The following RBPJ variants were observed in gnomAD, a reference collection of about 807,000 sequenced individuals.
RBPJ encodes recombining binding protein suppressor of hairless.
In RBPJ, 9 loss-of-function variants were observed where a neutral mutation model predicts 67.8. That is an observed-to-expected ratio of 0.13 (90% CI 0.08 to 0.23). The LOEUF is 0.23. Ranked by LOEUF, RBPJ falls within the 10% of genes least tolerant of loss-of-function variation. RBPJ has a pLI of 1.00. For synonymous variants in RBPJ, 198 were observed against 203.3 expected (o/e 0.97, Z 0.22); for missense variants, 305 against 595.6 (o/e 0.51, Z 5.08).
chr4:26,295,731 A>C (rs1305739368), intron 1 of RBPJ, among the ~76,000 whole-genome samples: 1 of 152,086 alleles, frequency 6.6e-6, no homozygotes, highest in Non-Finnish European at 1.5e-5. Context: ...TGGGACTTGG[A>C]TGAGGGCCGT....
At chr4:26,271,815 A>G (rs923338079) in intron 1 of RBPJ, among the ~76,000 whole-genome samples, 2 of 152,186 alleles carry the variant, frequency 1.3e-5, no homozygotes, top group East Asian at 1.9e-4. Context: ...CATACAAACT[A>G]TGATGTCCTT....
chr4:26,332,864 G>T (rs929485306), intron 1 of RBPJ, among the ~76,000 whole-genome samples: 3 of 152,122 alleles, frequency 2.0e-5, no homozygotes, highest in Admixed American at 1.3e-4. Context: ...GCCCAGGCTG[G>T]TTTCAAACTG....
Position 26,429,799 on chromosome 4 carries a change from T to G in RBPJ, c.889-99T>G, listed in dbSNP as rs1736031858. On this transcript the variant is annotated intron_variant, in intron 8 of 10. Coordinates refer to ENST00000355476, the MANE Select transcript of RBPJ (RefSeq NM_015874.6). ...GTTTATAAGTTTTTACTGAGTTATCTTCTTATTAACTCTTGTCTGAGGGTT... is the reference window on the plus strand; with the variant it reads ...GTTTATAAGTTTTTACTGAGTTATCGTCTTATTAACTCTTGTCTGAGGGTT... The G allele has an allele frequency of 6.2e-6, 6 of 971,884 alleles. No homozygotes were observed. The Admixed American group carries it at 1.4e-4, about 23-fold the overall frequency. The allele number at this position is 971,884 out of a possible 1,614,324, so 60.2% of individuals were successfully genotyped here.
chr4:26,387,140 A>C (rs941549139), intron 2 of RBPJ, among the ~76,000 whole-genome samples: 1 of 152,132 alleles, frequency 6.6e-6, no homozygotes, highest in Non-Finnish European at 1.5e-5. Context: ...TAATGGCTCC[A>C]TGGTTTTTCA....
the RBPJ span, among the ~76,000 whole-genome samples, chr4:26,107,417 A>G: frequency 6.6e-6 from 1 of 152,170 alleles, no homozygotes; most frequent in African/African-American, 2.4e-5. Flanking sequence ...TCCCCAAGGT[A>G]CTGCCTGCAG....
chr4:26,349,093 C>CGT (rs1553867512), intron 1 of RBPJ, among the ~76,000 whole-genome samples: 2 of 150,738 alleles, frequency 1.3e-5, no homozygotes, highest in South Asian at 2.1e-4. Flanking sequence ...TGTGTGCGCG[C>CGT]GCGCACGCAC....
At chr4:26,138,378 A>AT in the RBPJ span, among the ~76,000 whole-genome samples, 81 of 151,188 alleles carry the variant, frequency 5.4e-4, no homozygotes, top group African/African-American at 1.9e-3. Context: ...CTAGAGAAAA[A>AT]AAAAAAGGCA....
rs542686187 is a variant in RBPJ, at chr4:26,249,652, C to A, written c.-167+86038C>A. On this transcript the variant is annotated intron_variant, in intron 1 of 4. Transcript: ENST00000512351. ...CTCCAGCCTGGGTGACAGAGTGCGA[C>A]TCTGTCACACACACACAAAAAGTAA... Among the ~76,000 whole-genome samples, 12 of 152,224 alleles carry A rather than the reference C, an allele frequency of 7.9e-5. No homozygotes were observed. The East Asian group carries it at 2.3e-3, about 29-fold the overall frequency.
At chr4:26,135,198 C>A in the RBPJ span, among the ~76,000 whole-genome samples, 79 of 152,272 alleles carry the variant, frequency 5.2e-4, no homozygotes, top group Middle Eastern at 0.024. Flanking sequence ...GGGTCTACAT[C>A]TCTCTCCATT....
At chr4:26,410,181 G>T (rs1439545015) in intron 3 of RBPJ, 2 of 337,182 alleles carry the variant, frequency 5.9e-6, no homozygotes, top group African/African-American at 2.2e-5. Flanking sequence ...CTTTCTTGCC[G>T]ATCCTGGTTC....
intron 1 of RBPJ, among the ~76,000 whole-genome samples, chr4:26,204,816 G>T (rs1396674767): frequency 6.6e-6 from 1 of 152,214 alleles, no homozygotes; most frequent in Non-Finnish European, 1.5e-5. Flanking sequence ...GACAGTAAGT[G>T]CTCAATAAAG....
chr4:26,314,878 G>A (rs536224310), upstream of RBPJ, among the ~76,000 whole-genome samples: 1 of 152,046 alleles, frequency 6.6e-6, no homozygotes, highest in Admixed American at 6.6e-5. Context: ...CAGGTGCGGT[G>A]GCTCACGCCT....
intron 1 of RBPJ, among the ~76,000 whole-genome samples, chr4:26,283,886 C>A (rs1241478256): frequency 6.6e-6 from 1 of 152,120 alleles, no homozygotes; most frequent in Non-Finnish European, 1.5e-5. Context: ...CCTCGTGATC[C>A]ATCCGCCTCA....
chr4:26,383,637 G>A (rs1444704630), intron 1 of RBPJ, among the ~76,000 whole-genome samples: 1 of 152,104 alleles, frequency 6.6e-6, no homozygotes, highest in East Asian at 1.9e-4. Flanking sequence ...AAACTTTCTG[G>A]CTTTTGTACA....
At chr4:26,391,412 C>T (rs1013639531) in intron 2 of RBPJ, among the ~76,000 whole-genome samples, 1 of 152,030 alleles carries the variant, frequency 6.6e-6, no homozygotes, top group African/African-American at 2.4e-5. Flanking sequence ...GGTAGTCTTT[C>T]TAACAGTTGA....
At chr4:26,188,128 G>A (rs147034787) in intron 1 of RBPJ, among the ~76,000 whole-genome samples, 38 of 152,250 alleles carry the variant, frequency 2.5e-4, no homozygotes, top group African/African-American at 8.7e-4. Context: ...AAAATCCCTT[G>A]AACCCAGGAG....
chr4:26,313,603 G>A (rs1024356337), intron 1 of RBPJ, among the ~76,000 whole-genome samples: 1 of 152,042 alleles, frequency 6.6e-6, no homozygotes, highest in East Asian at 1.9e-4. Flanking sequence ...CCAGGAGACG[G>A]AACTTGCAGT....
chr4:26,116,538 A>G, the RBPJ span, among the ~76,000 whole-genome samples: 23 of 152,326 alleles, frequency 1.5e-4, no homozygotes, highest in East Asian at 3.5e-3. Flanking sequence ...GATATGTGGC[A>G]TGGACTCATG....
chr4:26,365,827 A>G (rs891531217), intron 1 of RBPJ, among the ~76,000 whole-genome samples: 2 of 152,072 alleles, frequency 1.3e-5, no homozygotes, highest in Non-Finnish European at 2.9e-5. Flanking sequence ...GTTAGAGAGT[A>G]TCTAAGGAAT....
Sources: gnomAD v4.1 joint callset for allele counts (sites outside exome capture counted in the v4.1 genomes callset) on GRCh38, gnomAD v4.1.1 for gene constraint, MANE v1.5 for transcripts, NCBI Gene and HGNC (gene_info 2026-07-23, HGNC 2026-07-21) for gene names.